Variants in LRRC46 observed in about 807,000 individuals in gnomAD.
LRRC46 encodes leucine-rich repeat-containing protein 46.
In LRRC46, 20 loss-of-function variants were observed where a neutral mutation model predicts 28.0. The ratio of observed to expected loss-of-function variants is 0.71; its 90% CI spans 0.50 to 1.04. The LOEUF is 1.04. Among genes scored for constraint, LRRC46 ranks in the 50% least tolerant of loss-of-function variants. The pLI, the probability that LRRC46 is intolerant of heterozygous loss-of-function variation, is 0.00. For synonymous variants in LRRC46, 156 were observed against 158.8 expected (o/e 0.98, Z 0.13); for missense variants, 315 against 390.1 (o/e 0.81, Z 1.62).
In LRRC46 at chr17:47,837,389, G is replaced by C; in HGVS notation, c.*269G>C. ...GCAGGCATGCCTCAGGCCCCCGCTG[G>C]CTTCCTGGCTCCCACTTGGGCAGGA... On this transcript the variant is annotated 3_prime_UTR_variant, in exon 8 of 8. Coordinates refer to ENST00000269025, the MANE Select transcript of LRRC46 (RefSeq NM_033413.4). 2.1e-6 allele frequency: 1 copy of C among 474,438 alleles called. No individual in the cohort carries two copies. Among genetic ancestry groups the C allele is most frequent in the Non-Finnish European group, 3.7e-6 (1 of 273,538 alleles). The allele number at this position is 474,438 out of a possible 1,614,324, so 29.4% of individuals were successfully genotyped here. A position where few individuals can be genotyped will look rare whatever the true frequency, so the allele number is the denominator to read the frequency against.
At chr17:47,835,446 C>A in intron 4 of LRRC46, 47 bp downstream of exon 4, 4 of 1,602,486 alleles carry the variant, frequency 2.5e-6, no homozygotes, top group Non-Finnish European at 3.4e-6. Flanking sequence ...TTGGGGGAAC[C>A]TAGCCATATC....
chr17:47,837,044 CA>C lies in LRRC46; in HGVS notation c.891del (p.Ala298ProfsTer33). On this transcript the variant is annotated frameshift_variant, in exon 8 of 8. Transcript: ENST00000269025. LOFTEE classifies it low-confidence loss of function (END_TRUNC). ...TTCTGGGGAAGGAAGGGGGCACGAG[CA>C]GCCACAGCCCCCAAGGCCTCTGTGG... ...SSFWGRKGAR[A>X]ATAPKASVAE... 1 of 1,609,992 alleles carries C rather than the reference CA, an allele frequency of 6.2e-7. No individual in the cohort carries two copies. Among genetic ancestry groups the C allele is most frequent in the East Asian group, 2.2e-5 (1 of 44,840 alleles).
At position 47,832,088 on chromosome 17, in the gene LRRC46, A is replaced by C; in HGVS notation, c.11-12A>C. The C allele has an allele frequency of 1.2e-6, 2 of 1,612,356 alleles. No individual in the cohort carries two copies. The highest frequency in any genetic ancestry group is 1.7e-6 in the Non-Finnish European group (2 of 1,178,914). On this transcript the variant is annotated splice_polypyrimidine_tract_variant and intron_variant, in intron 1 of 7. Transcript: ENST00000269025. ...GTGAGGAAGTGTCACAGTTGGACTC[A>C]TCTTTTCACAGGGAAGTCAGCCCAG...
rs534847251 is a variant in LRRC46, at chr17:47,836,957, C to T, written c.803C>T (p.Pro268Leu). ...EETVPEAVSS[P>L]QASSPTKKPC... ...ACAGTCCCTGAGGCCGTCTCCTCAC[C>T]CCAGGCCTCCTCTCCCACCAAGAAA... is the stretch of plus-strand genomic sequence containing the variant. The change falls in exon 8 of 8, where the codon CCC becomes CTC. Residue 268 changes from proline to leucine, a missense_variant. Pro to Leu is a moderately conservative substitution (Grantham distance 98). Coordinates refer to ENST00000269025, the MANE Select transcript of LRRC46 (RefSeq NM_033413.4). This position sits in a 1 kb window ranked among gnomAD's most constrained non-coding sequence, Gnocchi z 5.8. The T allele has an allele frequency of 7.5e-5, 121 of 1,613,820 alleles. 1 individual carries two copies. In the South Asian group the frequency reaches 1.2e-3, roughly 16 times the overall value.
intron 1 of LRRC46, 25 bp from the exon 2 acceptor site, chr17:47,832,075 C>T: frequency 3.7e-6 from 6 of 1,612,986 alleles, no homozygotes; most frequent in Non-Finnish European, 5.1e-6. Context: ...GAGGAAGTGT[C>T]ACAGTTGGAC....
chr17:47,831,934 A>G lies in LRRC46; in HGVS notation c.-56A>G. 1.9e-6 allele frequency: 3 copies of G among 1,611,936 alleles called. No homozygotes were observed. Among genetic ancestry groups the G allele is most frequent in the Non-Finnish European group, 2.5e-6 (3 of 1,179,670 alleles). On this transcript the variant is annotated 5_prime_UTR_variant, in exon 1 of 8. Coordinates refer to ENST00000269025, the MANE Select transcript of LRRC46 (RefSeq NM_033413.4). ...GTTCTGCCATCCTTAGGGGCCGCCA[A>G]GACCTCTCTTTTCGTTCCTCTCCCG...
Position 47,835,416 on chromosome 17 carries a change from C to G in LRRC46, c.272+17C>G. 6.2e-7 allele frequency: 1 copy of G among 1,613,608 alleles called. No individual in the cohort carries two copies. The highest frequency in any genetic ancestry group is 8.5e-7 in the Non-Finnish European group (1 of 1,179,848). On this transcript the variant is annotated intron_variant, in intron 4 of 7. Transcript: ENST00000269025. The stretch of plus-strand genomic sequence containing the variant: ...CTCCTTGCGGTATGTGGTGCCAGGG[C>G]TCAGGCAGGGGAAGAGGGGTTGGGG...
In LRRC46 at chr17:47,834,455, C is replaced by T. The variant is rs982913170; in HGVS notation, c.147C>T (p.Val49=). ...ACACTCTTGATGAACTGCAGACTGT[C>T]CGCCTGGACCGGGAGGGGATTACTA... ...MFHTLDELQT[V]RLDREGITTI... is the part of the protein sequence containing the mutation. Residue 49 remains valine, a synonymous_variant, in exon 3 of 8, where the codon GTC becomes GTT. Coordinates refer to ENST00000269025, the MANE Select transcript of LRRC46 (RefSeq NM_033413.4). The T allele has an allele frequency of 1.9e-6, 3 of 1,613,566 alleles. No homozygotes were observed. The highest frequency in any genetic ancestry group is 2.2e-5 in the East Asian group (1 of 44,864).
chr17:47,832,099 G>A lies in LRRC46; in HGVS notation c.11-1G>A, dbSNP rs2033641913. 6.2e-7 allele frequency: 1 copy of A among 1,611,682 alleles called. No individual in the cohort carries two copies. The highest frequency in any genetic ancestry group is 8.5e-7 in the Non-Finnish European group (1 of 1,178,572). On this transcript the variant is annotated splice_acceptor_variant, in intron 1 of 7. Coordinates refer to ENST00000269025, the MANE Select transcript of LRRC46 (RefSeq NM_033413.4). LOFTEE classifies it high-confidence loss of function. ...TCACAGTTGGACTCATCTTTTCACA[G>A]GGAAGTCAGCCCAGGGTCCAGAGGA...
chr17:47,836,115 G>A lies in LRRC46; in HGVS notation c.452+13G>A. On this transcript the variant is annotated intron_variant, in intron 6 of 7. Coordinates refer to ENST00000269025, the MANE Select transcript of LRRC46 (RefSeq NM_033413.4). This position sits in a 1 kb window ranked among gnomAD's most constrained non-coding sequence, Gnocchi z 5.8. ...AGGATGGCTACCGGTAAGGAGTGGA[G>A]GGTGGGAAGAAAGGTCATGGCTGAG... is the stretch of plus-strand genomic sequence containing the variant. 1 of 1,613,994 alleles carries A rather than the reference G, an allele frequency of 6.2e-7. No individual in the cohort carries two copies. The highest frequency in any genetic ancestry group is 8.5e-7 in the Non-Finnish European group (1 of 1,179,878).
rs907724450 is a variant in LRRC46 at position 47,836,242 on chromosome 17, C to T, written c.453-91C>T. 36 of 1,589,706 alleles carry T rather than the reference C, an allele frequency of 2.3e-5. No individual in the cohort carries two copies. The highest frequency in any genetic ancestry group is 8.6e-7 in the Non-Finnish European group (1 of 1,163,396). On this transcript the variant is annotated intron_variant, in intron 6 of 7. Coordinates refer to ENST00000269025, the MANE Select transcript of LRRC46 (RefSeq NM_033413.4). The surrounding 1 kb of genome is among the most constrained non-coding windows in gnomAD (Gnocchi z 5.8). ...CTCCTACCTAGCTCATGAGCCACCA[C>T]CCCTCCGGGTGTGAGTGCTGTGGTG...
At chr17:47,834,734 G>A (rs2033674927) in intron 3 of LRRC46, 1 of 484,374 alleles carries the variant, frequency 2.1e-6, no homozygotes, top group Non-Finnish European at 3.7e-6. Flanking sequence ...AACATGACCT[G>A]TGCTCCTTCC....
chr17:47,832,692 A>G (rs2033648741), intron 2 of LRRC46, among the ~76,000 whole-genome samples: 2 of 152,198 alleles, frequency 1.3e-5, no homozygotes, highest in South Asian at 4.1e-4. Flanking sequence ...AAAACAAACA[A>G]AAAGTAAAGT....
At chr17:47,835,508 C>T (rs1034241825) in intron 4 of LRRC46, 109 bp downstream of exon 4, 20 of 1,448,912 alleles carry the variant, frequency 1.4e-5, no homozygotes, top group Non-Finnish European at 1.9e-5. Flanking sequence ...CAGTCAAGGA[C>T]CAGCAAGCCT....
In LRRC46 at chr17:47,836,651, G is replaced by A. The variant is rs149736761; in HGVS notation, c.596-99G>A. On this transcript the variant is annotated intron_variant, in intron 7 of 7. Coordinates refer to ENST00000269025, the MANE Select transcript of LRRC46 (RefSeq NM_033413.4). The surrounding 1 kb of genome is among the most constrained non-coding windows in gnomAD (Gnocchi z 5.8). ...CCAGCCTCAGGCTCCTTCCCACAAG[G>A]GACAAGGGGCCAGCCAGAGACTTCC... The A allele has an allele frequency of 0.017, 26,088 of 1,529,000 alleles. 272 individuals carry two copies. Among genetic ancestry groups the A allele is most frequent in the Non-Finnish European group, 0.019 (21,834 of 1,136,988 alleles). The allele number at this position is 1,529,000 out of a possible 1,614,324, so 94.7% of individuals were successfully genotyped here.
Position 47,835,368 on chromosome 17 carries a change from A to G in LRRC46, c.241A>G (p.Ile81Val), listed in dbSNP as rs953560671. Residue 81 changes from isoleucine to valine, a missense_variant, in exon 4 of 8, where the codon ATT becomes GTT. Coordinates refer to ENST00000269025, the MANE Select transcript of LRRC46 (RefSeq NM_033413.4). Reference sequence around the variant, plus strand: ...CTTCTTGCAGAATAAGATCCAGCAAATTGAGAACCTGGCTTGCATCCCCTC... The same window carrying G: ...CTTCTTGCAGAATAAGATCCAGCAAGTTGAGAACCTGGCTTGCATCCCCTC... ...LYLQGNKIQQ[I>V]ENLACIPSLR... The G allele has an allele frequency of 1.9e-6, 3 of 1,614,188 alleles. No individual in the cohort carries two copies. Among genetic ancestry groups the G allele is most frequent in the Non-Finnish European group, 2.5e-6 (3 of 1,180,040 alleles).
At position 47,835,769 on chromosome 17, in the gene LRRC46, A is replaced by G. The variant is rs754861657; in HGVS notation, c.376A>G (p.Lys126Glu). The change falls in exon 5 of 8, where the codon AAG becomes GAG. Residue 126 changes from lysine (K) to glutamate (E), a missense_variant. By Grantham distance (56) the Lys-to-Glu change is moderately conservative (BLOSUM62 1). Transcript: ENST00000269025. ...DLSENLIETL[K>E]LDEFPQSLLI... ...TTCTGAGAACCTGATAGAAACATTG[A>G]AGCTGGGTAGGAACCCACTCGCCCT... 1.7e-5 allele frequency: 27 copies of G among 1,613,812 alleles called. No homozygotes were observed. In the South Asian group the frequency reaches 2.7e-4, roughly 16 times the overall value.
intron 3 of LRRC46, 52 bp from the exon 4 acceptor site, chr17:47,835,301 C>T (rs2033680089): frequency 6.3e-7 from 1 of 1,593,880 alleles, no homozygotes; most frequent in Non-Finnish European, 8.6e-7. Context: ...GTAAAGGGCC[C>T]CTGACGCATC....
intron 3 of LRRC46, 62 bp downstream of exon 3, chr17:47,834,595 G>A: frequency 8.8e-7 from 1 of 1,142,458 alleles, no homozygotes; most frequent in East Asian, 2.4e-5. Flanking sequence ...TGTCTCATCT[G>A]AAAGGAGCCA....
Sources: allele counts gnomAD v4.1 joint callset (sites outside exome capture counted in the v4.1 genomes callset), GRCh38; gene constraint gnomAD v4.1.1; non-coding constraint Gnocchi (gnomAD v3.1); transcripts MANE v1.5; gene names NCBI Gene and HGNC (gene_info 2026-07-23, HGNC 2026-07-21).